PALM2AKAP2: variants seen among roughly 807,000 people sequenced by gnomAD.
PALM2AKAP2 encodes PALM2-AKAP2 fusion protein.
PALM2AKAP2 carries 37 observed loss-of-function variants against 71.5 expected under a neutral mutation model. The observed-to-expected ratio is 0.52, with a 90% confidence interval of 0.40 to 0.68. The LOEUF (loss-of-function observed/expected upper bound fraction) is 0.68, where lower values mean the gene tolerates loss of function less well. PALM2AKAP2 is among the 30% of genes least tolerant of loss of function. The pLI, the probability that PALM2AKAP2 is intolerant of heterozygous loss-of-function variation, is 0.00. For missense variants in PALM2AKAP2, 1,224 were observed against 1,191.8 expected, an observed-to-expected ratio of 1.03 and a Z score of -0.40; for synonymous variants, 468 against 478.8, an observed-to-expected ratio of 0.98 and a Z score of 0.29.
chr9:109,911,269 T>C (rs1357126658), intron 3 of PALM2AKAP2, among the ~76,000 whole-genome samples: 3 of 152,238 alleles, frequency 2.0e-5, no homozygotes, highest in Admixed American at 6.5e-5. Context: ...TCAAAACTCT[T>C]TATTTCTGAT....
At chr9:109,765,732 G>A (rs962591964) in intron 1 of PALM2AKAP2, among the ~76,000 whole-genome samples, 2 of 152,190 alleles carry the variant, frequency 1.3e-5, no homozygotes, top group African/African-American at 4.8e-5. Flanking sequence ...AGGGCAGTTT[G>A]TAAAAAATGC....
intron 1 of PALM2AKAP2, among the ~76,000 whole-genome samples, chr9:109,691,867 T>TATATAC (rs1320319516): frequency 5.8e-5 from 3 of 51,492 alleles, no homozygotes; most frequent in South Asian, 6.8e-4. Flanking sequence ...TATATATATA[T>TATATAC]ACACACACAC....
chr9:110,136,358 C>T (rs757134608), exon 2 of PALM2AKAP2: 1 of 1,614,202 alleles, frequency 6.2e-7, no homozygotes, highest in East Asian at 2.2e-5. Flanking sequence ...CCTTACTGAT[C>T]ACCACGAATC....
At chr9:109,819,116 C>G (rs1721760289) in intron 1 of PALM2AKAP2, among the ~76,000 whole-genome samples, 1 of 152,144 alleles carries the variant, frequency 6.6e-6, no homozygotes, top group South Asian at 2.1e-4. Flanking sequence ...ACTCCTTCCC[C>G]CACAGGTGAA....
intron 1 of PALM2AKAP2, among the ~76,000 whole-genome samples, chr9:109,866,219 C>T (rs1023851377): frequency 3.9e-5 from 6 of 152,126 alleles, no homozygotes; most frequent in African/African-American, 9.7e-5. Context: ...GGAAACATAG[C>T]GACTACATAA....
At chr9:109,717,858 C>T (rs1010084600) in intron 1 of PALM2AKAP2, among the ~76,000 whole-genome samples, 25 of 152,116 alleles carry the variant, frequency 1.6e-4, no homozygotes, top group Admixed American at 1.6e-3. Context: ...TGCAGGTGCA[C>T]TGTGGGCACC....
intron 1 of PALM2AKAP2, among the ~76,000 whole-genome samples, chr9:109,849,769 A>ACAAAAAG (rs1370478148): frequency 1.3e-5 from 2 of 152,188 alleles, no homozygotes; most frequent in Non-Finnish European, 2.9e-5. Context: ...AAAACAAAAA[A>ACAAAAAG]CAAAAAGCAA....
chr9:110,000,446 T>C (rs1484533641), intron 6 of PALM2AKAP2, among the ~76,000 whole-genome samples: 1 of 152,244 alleles, frequency 6.6e-6, no homozygotes, highest in Non-Finnish European at 1.5e-5. Flanking sequence ...AAGTCTTTGC[T>C]ATTGTGAATA....
intron 1 of PALM2AKAP2, among the ~76,000 whole-genome samples, chr9:110,129,324 G>A (rs1835683914): frequency 6.6e-6 from 1 of 152,136 alleles, no homozygotes; most frequent in Admixed American, 6.5e-5. Flanking sequence ...CAACCAAAAA[G>A]CCAAGCTAAC....
intron 6 of PALM2AKAP2, chr9:109,946,304 T>C (rs1226102132): frequency 6.6e-6 from 1 of 152,176 alleles, no homozygotes; most frequent in Non-Finnish European, 1.5e-5. Flanking sequence ...GGGTATTTGG[T>C]TACATAACCA....
intron 1 of PALM2AKAP2, among the ~76,000 whole-genome samples, chr9:109,728,114 A>G (rs539497984): frequency 6.6e-6 from 1 of 152,364 alleles, no homozygotes; most frequent in African/African-American, 2.4e-5. Flanking sequence ...AGGGTATTCT[A>G]GGTGAGAATG....
At chr9:109,824,780 G>T (rs942759921) in intron 1 of PALM2AKAP2, among the ~76,000 whole-genome samples, 5 of 152,236 alleles carry the variant, frequency 3.3e-5, no homozygotes, top group African/African-American at 1.2e-4. Flanking sequence ...TCTATTAAGA[G>T]ATTTAACAGC....
rs1828857713 is a variant in PALM2AKAP2, at chr9:109,749,712, A to G, written c.6-30776A>G. 2.0e-5 allele frequency among the ~76,000 whole-genome samples: 3 copies of G among 152,206 alleles called. No homozygotes were observed. The South Asian group carries it at 6.2e-4, about 31-fold the overall frequency. On this transcript the variant is annotated intron_variant, in intron 1 of 6. Transcript: ENST00000374531. The stretch of plus-strand genomic sequence containing the variant: ...GTCTAAAATCAGATGTGTGATCTCC[A>G]TCTTCTTAATTTGACAGACATTTGC...
rs1832949780 is a variant in PALM2AKAP2, at chr9:110,014,813, T to A, written c.497-1141T>A. On this transcript the variant is annotated intron_variant, in intron 6 of 9. Coordinates refer to the PALM2AKAP2 transcript ENST00000302798. Reference sequence around the variant, plus strand: ...AAAAAAAAAAAAAAAAATGTATATATATATATATATATATATATATATATA... The same window carrying A: ...AAAAAAAAAAAAAAAAATGTATATAAATATATATATATATATATATATATA... Among the ~76,000 whole-genome samples, 26 of 27,498 alleles carry A rather than the reference T, an allele frequency of 9.5e-4. 2 individuals carry two copies. The highest frequency in any genetic ancestry group is 3.4e-3 in the African/African-American group (22 of 6,544). 18.0% of individuals were successfully genotyped at this position (27,498 alleles called of 152,430 possible). A position where few individuals can be genotyped will look rare whatever the true frequency, so the allele number is the denominator to read the frequency against.
intron 6 of PALM2AKAP2, among the ~76,000 whole-genome samples, chr9:109,965,197 C>G (rs1831923999): frequency 6.6e-6 from 1 of 152,148 alleles, no homozygotes; most frequent in Admixed American, 6.5e-5. Context: ...CTAATAATCC[C>G]TACGATAGAT....
intron 1 of PALM2AKAP2, among the ~76,000 whole-genome samples, chr9:110,081,715 C>T (rs924879574): frequency 3.3e-5 from 5 of 152,074 alleles, no homozygotes; most frequent in African/African-American, 9.7e-5. Context: ...ACAGGAAACT[C>T]TCCCTTCTTT....
chr9:110,068,192 A>G (rs937799995), intron 1 of PALM2AKAP2, among the ~76,000 whole-genome samples: 3 of 139,454 alleles, frequency 2.2e-5, no homozygotes, highest in Non-Finnish European at 4.5e-5. Flanking sequence ...TTTGTATCTT[A>G]GTTAAGTAAA....
At chr9:110,108,225 G>A (rs1250548168) in intron 1 of PALM2AKAP2, among the ~76,000 whole-genome samples, 2 of 149,664 alleles carry the variant, frequency 1.3e-5, no homozygotes, top group African/African-American at 4.9e-5. Context: ...AAGTGATTCT[G>A]TCTCATCCTC....
intron 2 of PALM2AKAP2, among the ~76,000 whole-genome samples, chr9:110,146,686 GTTAC>G (rs1836180124): frequency 2.0e-5 from 3 of 152,144 alleles, no homozygotes. Flanking sequence ...ACCAGCCATA[GTTAC>G]TTGCTGTGTA....
Sources: allele counts gnomAD v4.1 joint callset (sites outside exome capture counted in the v4.1 genomes callset), GRCh38; gene constraint gnomAD v4.1.1; transcripts MANE v1.5; gene names NCBI Gene and HGNC (gene_info 2026-07-23, HGNC 2026-07-21).